PKN2: variants seen among roughly 807,000 people sequenced by gnomAD.
The protein encoded by PKN2 is protein kinase N2, also known as serine/threonine-protein kinase N2.
A neutral mutation model predicts 119.1 loss-of-function variants in PKN2; 38 were observed. The ratio of observed to expected loss-of-function variants is 0.32; its 90% confidence interval spans 0.25 to 0.42. The LOEUF is 0.42. PKN2 is among the 10% of genes least tolerant of loss of function. The pLI, the probability that PKN2 is intolerant of heterozygous loss-of-function variation, is 1.00. For missense variants in PKN2, 850 were observed against 1,165.1 expected (o/e 0.73, Z 3.94); for synonymous variants, 390 against 384.9 (o/e 1.01, Z -0.15).
chr1:88,832,102 T>G (rs1315398769), intron 19 of PKN2, among the ~76,000 whole-genome samples: 1 of 152,032 alleles, frequency 6.6e-6, no homozygotes, highest in African/African-American at 2.4e-5. Flanking sequence ...GTGTGCTTTT[T>G]GGGTTCCTTT....
chr1:88,792,723 T>G (rs1211524361), intron 8 of PKN2, among the ~76,000 whole-genome samples: 1 of 152,194 alleles, frequency 6.6e-6, no homozygotes, highest in Non-Finnish European at 1.5e-5. Context: ...TCTTTTACAG[T>G]GGTTCTTATT....
chr1:88,722,518 T>G (rs1174810263), intron 1 of PKN2, among the ~76,000 whole-genome samples: 2 of 152,058 alleles, frequency 1.3e-5, no homozygotes, highest in Non-Finnish European at 2.9e-5. Flanking sequence ...AAAATTGCCT[T>G]AAAAATATCA....
rs529691605 is a variant in PKN2 at position 88,684,859 on chromosome 1, C to T, written c.48+231C>T. 2.3e-5 allele frequency: 11 copies of T among 477,452 alleles called. No individual in the cohort carries two copies. The Admixed American group carries it at 4.2e-4, about 18-fold the overall frequency. 29.6% of individuals were successfully genotyped at this position (477,452 alleles called of 1,614,324 possible). On this transcript the variant is annotated intron_variant, in intron 1 of 21. Transcript: ENST00000370521. ...CTGCCACCGCTTTGGTTTGATTCTG[C>T]CTACCAGAGGGGACCCCATCTCTGC... is the stretch of plus-strand genomic sequence containing the variant.
intron 1 of PKN2, among the ~76,000 whole-genome samples, chr1:88,726,863 T>C (rs1667918484): frequency 1.3e-5 from 2 of 152,126 alleles, no homozygotes; most frequent in Non-Finnish European, 2.9e-5. Context: ...ATGCAGGCTG[T>C]GGTCTATCAT....
intron 8 of PKN2, among the ~76,000 whole-genome samples, chr1:88,799,634 A>G (rs1671228042): frequency 6.6e-6 from 1 of 152,210 alleles, no homozygotes; most frequent in African/African-American, 2.4e-5. Flanking sequence ...TTTTCACAAC[A>G]GCATTCATCT....
Position 88,803,276 on chromosome 1 carries a change from T to C in PKN2, c.1282-1115T>C, listed in dbSNP as rs140342367. Among the ~76,000 whole-genome samples the C allele has an allele frequency of 2.2e-4, 33 of 152,314 alleles. 1 individual carries two copies. The East Asian group carries it at 6.2e-3, about 28-fold the overall frequency. ...CTTTTCATGTTGCATTTTTTATAAGTGTTTTTCGTGTTCATTAACATCAAC... is the reference window on the plus strand; with the variant it reads ...CTTTTCATGTTGCATTTTTTATAAGCGTTTTTCGTGTTCATTAACATCAAC... On this transcript the variant is annotated intron_variant, in intron 8 of 21. Coordinates refer to ENST00000370521, the MANE Select transcript of PKN2 (RefSeq NM_006256.4).
chr1:88,819,030 CA>C (rs1672134470), intron 16 of PKN2, among the ~76,000 whole-genome samples: 1 of 149,986 alleles, frequency 6.7e-6, no homozygotes, highest in Admixed American at 6.6e-5. Flanking sequence ...AAAGTTAACT[CA>C]AGATGGATTA....
intron 1 of PKN2, among the ~76,000 whole-genome samples, chr1:88,738,587 A>C (rs569127989): frequency 1.6e-4 from 25 of 152,360 alleles, no homozygotes; most frequent in African/African-American, 6.0e-4. Flanking sequence ...GGTAGGCAGT[A>C]AACGAAAGTG....
chr1:88,775,335 G>A (rs556762151), intron 6 of PKN2, among the ~76,000 whole-genome samples: 1 of 152,196 alleles, frequency 6.6e-6, no homozygotes, highest in South Asian at 2.1e-4. Flanking sequence ...TTCCACAATG[G>A]TCATACAGTT....
intron 3 of PKN2, among the ~76,000 whole-genome samples, chr1:88,768,114 G>A (rs915364635): frequency 6.6e-6 from 1 of 152,184 alleles, no homozygotes; most frequent in Non-Finnish European, 1.5e-5. Context: ...GTGTGTGTAT[G>A]TATGGATGGA....
intron 1 of PKN2, among the ~76,000 whole-genome samples, chr1:88,736,263 G>A (rs1557576200): frequency 6.6e-6 from 1 of 152,060 alleles, no homozygotes; most frequent in Non-Finnish European, 1.5e-5. Flanking sequence ...CAGCTCTTTT[G>A]AATTCTCTGA....
At chr1:88,826,566 C>T (rs528224236) in intron 18 of PKN2, among the ~76,000 whole-genome samples, 8 of 152,204 alleles carry the variant, frequency 5.3e-5, no homozygotes, top group African/African-American at 1.9e-4. Flanking sequence ...AGTAATTTCT[C>T]ATCATCCACC....
At chr1:88,691,048 G>GT (rs894647295) in intron 1 of PKN2, among the ~76,000 whole-genome samples, 24 of 152,108 alleles carry the variant, frequency 1.6e-4, no homozygotes, top group African/African-American at 5.3e-4. Context: ...TGTGCTGAGA[G>GT]TTTTTTATTT....
intron 3 of PKN2, among the ~76,000 whole-genome samples, chr1:88,762,173 C>T (rs1669473010): frequency 6.6e-6 from 1 of 152,118 alleles, no homozygotes; most frequent in Non-Finnish European, 1.5e-5. Context: ...CAAAAGATTA[C>T]GAACCACTGC....
chr1:88,805,443 T>C, intron 10 of PKN2, 54 bp from the exon 11 acceptor site: 2 of 1,386,346 alleles, frequency 1.4e-6, no homozygotes, highest in Non-Finnish European at 2.0e-6. Flanking sequence ...ATTATGACTT[T>C]TGGTTATACA....
chr1:88,776,318 G>A (rs953319364), intron 6 of PKN2, among the ~76,000 whole-genome samples: 1 of 149,634 alleles, frequency 6.7e-6, no homozygotes, highest in Non-Finnish European at 1.5e-5. Context: ...TTTCTTATGG[G>A]CGGGTCTCCT....
chr1:88,737,181 G>A (rs1364898504), intron 1 of PKN2, among the ~76,000 whole-genome samples: 5 of 152,188 alleles, frequency 3.3e-5, no homozygotes, highest in Non-Finnish European at 2.9e-5. Context: ...ACAGGGATAT[G>A]CCCAAGACCC....
intron 15 of PKN2, among the ~76,000 whole-genome samples, chr1:88,809,542 C>A (rs1671695316): frequency 6.6e-6 from 1 of 152,172 alleles, no homozygotes; most frequent in South Asian, 2.1e-4. Context: ...TAGGAAAATG[C>A]TTTCTAATGA....
intron 8 of PKN2, among the ~76,000 whole-genome samples, chr1:88,787,332 A>T (rs1490303450): frequency 6.6e-6 from 1 of 152,134 alleles, no homozygotes; most frequent in East Asian, 1.9e-4. Flanking sequence ...AGGGAAAATG[A>T]CTAGCTAGGA....
Sources: gnomAD v4.1 joint callset for allele counts (sites outside exome capture counted in the v4.1 genomes callset) on GRCh38, gnomAD v4.1.1 for gene constraint, MANE v1.5 for transcripts, NCBI Gene and HGNC (gene_info 2026-07-23, HGNC 2026-07-21) for gene names.